The following CXCR5 variants were observed in gnomAD, a reference collection of about 807,000 sequenced individuals.
CXCR5 encodes C-X-C motif chemokine receptor 5.
A neutral mutation model predicts 5.6 loss-of-function variants in CXCR5; 3 were observed. The observed-to-expected ratio is 0.54, with a 90% CI of 0.24 to 1.39. The LOEUF is 1.39. Ranked by LOEUF, CXCR5 falls within the 40% of genes most tolerant of loss-of-function variation. CXCR5 has a pLI of 0.16. For synonymous variants in CXCR5, 218 were observed against 219.9 expected (o/e 0.99, Z 0.08); for missense variants, 333 against 494.6 (o/e 0.67, Z 3.10).
At position 118,894,620 on chromosome 11, in the gene CXCR5, GTCTC is replaced by G. The variant is rs781445622; in HGVS notation, c.1080_1083del (p.Glu362GlnfsTer39). 4 of 1,513,906 alleles carry G rather than the reference GTCTC, an allele frequency of 2.6e-6. No homozygotes were observed. Among genetic ancestry groups the G allele is most frequent in the Non-Finnish European group, 3.5e-6 (4 of 1,131,736 alleles). The allele number at this position is 1,513,906 out of a possible 1,614,324, so 93.8% of individuals were successfully genotyped here. A position where few individuals can be genotyped will look rare whatever the true frequency, so the allele number is the denominator to read the frequency against. On this transcript the variant is annotated frameshift_variant, in exon 2 of 2. Transcript: ENST00000292174. LOFTEE classifies it high-confidence loss of function. This position sits in a 1 kb window ranked among gnomAD's most constrained non-coding sequence, Gnocchi z 6.1. ...CTCTTCCCTAGCTGGCGCAGGAGCA[GTCTC>G]TCTGAGTCAGAGAATGCCACCTCTC...
intron 1 of CXCR5, among the ~76,000 whole-genome samples, chr11:118,890,481 G>C (rs1023113661): frequency 6.6e-6 from 1 of 151,984 alleles, no homozygotes; most frequent in South Asian, 2.1e-4. Context: ...AGATGGGATT[G>C]AATTCGGCTT....
chr11:118,889,428 A>T (rs1939774198), intron 1 of CXCR5, among the ~76,000 whole-genome samples: 2 of 152,216 alleles, frequency 1.3e-5, no homozygotes, highest in African/African-American at 4.8e-5. Context: ...CCGCTCACGC[A>T]AATGGTCTGC....
intron 1 of CXCR5, among the ~76,000 whole-genome samples, chr11:118,885,029 A>G (rs523604): frequency 0.52 from 79,682 of 151,982 alleles, 21,406 homozygotes; most frequent in African/African-American, 0.64. Flanking sequence ...AACTTACCCT[A>G]AGATATTGTC....
At position 118,891,360 on chromosome 11, in the gene CXCR5, G is replaced by T. The variant is rs543338746; in HGVS notation, c.52-2236G>T. 6.6e-5 allele frequency among the ~76,000 whole-genome samples: 10 copies of T among 151,586 alleles called. No homozygotes were observed. In the East Asian group the frequency reaches 1.9e-3, roughly 29 times the overall value. Reference sequence around the variant, plus strand: ...CTCCAATCATTTTCTTTTTTTTTGAGATTGGGTCTTGGTCTGTTACCCAGG... The same window carrying T: ...CTCCAATCATTTTCTTTTTTTTTGATATTGGGTCTTGGTCTGTTACCCAGG... On this transcript the variant is annotated intron_variant, in intron 1 of 1. Coordinates refer to ENST00000292174, the MANE Select transcript of CXCR5 (RefSeq NM_001716.5).
chr11:118,893,691 C>T lies in CXCR5; in HGVS notation c.147C>T (p.Phe49=). The T allele has an allele frequency of 6.2e-7, 1 of 1,614,204 alleles. No individual in the cohort carries two copies. Among genetic ancestry groups the T allele is most frequent in the South Asian group, 1.1e-5 (1 of 91,080 alleles). Residue 49 remains phenylalanine (F), a synonymous_variant, in exon 2 of 2, where the codon TTC becomes TTT. Transcript: ENST00000292174. This position sits in a 1 kb window ranked among gnomAD's most constrained non-coding sequence, Gnocchi z 5.7. ...CAGAGGGGCCCCTCATGGCCTCCTT[C>T]AAGGCCGTGTTCGTGCCCGTGGCCT... ...PATEGPLMAS[F]KAVFVPVAYS...
rs1379372648 is a variant in CXCR5, at chr11:118,897,564, T to C, written c.*2901T>C. On this transcript the variant is annotated 3_prime_UTR_variant, in exon 2 of 2. Coordinates refer to ENST00000292174, the MANE Select transcript of CXCR5 (RefSeq NM_001716.5). ...TGCTAGGGCTCACCAGGTGGAAGCC[T>C]AGGTGGTCTGACCTCAGTTTAGGAG... 2 of 352,550 alleles carry C rather than the reference T, an allele frequency of 5.7e-6. No homozygotes were observed. Among genetic ancestry groups the C allele is most frequent in the African/African-American group, 2.2e-5 (1 of 46,378 alleles). The allele number at this position is 352,550 out of a possible 1,614,324, so 21.8% of individuals were successfully genotyped here. A position where few individuals can be genotyped will look rare whatever the true frequency, so the allele number is the denominator to read the frequency against.
At chr11:118,886,092 C>T (rs180855313) in intron 1 of CXCR5, 3 of 323,058 alleles carry the variant, frequency 9.3e-6, no homozygotes, top group East Asian at 9.1e-5. Flanking sequence ...ACAAAAACCT[C>T]GGGCGTAGTG....
At chr11:118,889,208 C>T (rs1939769447) in intron 1 of CXCR5, among the ~76,000 whole-genome samples, 1 of 152,250 alleles carries the variant, frequency 6.6e-6, no homozygotes, top group South Asian at 2.1e-4. Flanking sequence ...CTCTCAGCCT[C>T]ATTCTGGTCA....
At chr11:118,886,777 G>A (rs1328959131) in intron 1 of CXCR5, 1 of 193,348 alleles carries the variant, frequency 5.2e-6, no homozygotes, top group Non-Finnish European at 1.1e-5. Context: ...AGCTGCTATA[G>A]CGCACGGTGA....
intron 1 of CXCR5, chr11:118,887,335 A>G (rs1939728781): frequency 1.0e-6 from 1 of 985,324 alleles, no homozygotes; most frequent in Non-Finnish European, 1.2e-6. Context: ...TGGTTTCAAG[A>G]GGCTGCCACA....
chr11:118,889,759 A>G (rs1017612604), intron 1 of CXCR5, among the ~76,000 whole-genome samples: 3 of 152,188 alleles, frequency 2.0e-5, no homozygotes, highest in Non-Finnish European at 4.4e-5. Context: ...CCTCTTGGCA[A>G]GGAGGAAGAC....
At chr11:118,884,853 A>C (rs1457157659) in intron 1 of CXCR5, among the ~76,000 whole-genome samples, 2 of 152,100 alleles carry the variant, frequency 1.3e-5, no homozygotes, top group Non-Finnish European at 2.9e-5. Context: ...CAACCAGAGA[A>C]ACACAGGGTT....
intron 1 of CXCR5, among the ~76,000 whole-genome samples, chr11:118,889,995 C>T (rs1201722806): frequency 6.6e-6 from 1 of 152,180 alleles, no homozygotes; most frequent in African/African-American, 2.4e-5. Context: ...AGGTGGAGTC[C>T]AGCCCTGCTG....
At chr11:118,889,893 G>A (rs1472505868) in intron 1 of CXCR5, among the ~76,000 whole-genome samples, 1 of 152,214 alleles carries the variant, frequency 6.6e-6, no homozygotes, top group African/African-American at 2.4e-5. Context: ...TGAAGGGCAA[G>A]AACTTGTGTG....
At chr11:118,889,680 G>A (rs1247419817) in intron 1 of CXCR5, among the ~76,000 whole-genome samples, 2 of 152,146 alleles carry the variant, frequency 1.3e-5, no homozygotes, top group Non-Finnish European at 2.9e-5. Context: ...GAGATGTGCT[G>A]TCAATTCCCA....
At chr11:118,892,924 G>A (rs1359295765) in intron 1 of CXCR5, among the ~76,000 whole-genome samples, 2 of 152,186 alleles carry the variant, frequency 1.3e-5, no homozygotes, top group Non-Finnish European at 2.9e-5. Context: ...AGCCCAGGCA[G>A]GGTTGTTCAG....
Position 118,894,024 on chromosome 11 carries a change from C to T in CXCR5, c.480C>T (p.His160=), listed in dbSNP as rs1306296406. 5 of 1,613,714 alleles carry T rather than the reference C, an allele frequency of 3.1e-6. No individual in the cohort carries two copies. In the Admixed American group the frequency reaches 8.3e-5, roughly 27 times the overall value. ...AIVHAVHAYR[H]RRLLSIHITC... ...TCCACGCCGTCCATGCCTACCGCCACCGCCGCCTCCTCTCCATCCACATCA... is the reference window on the plus strand; with the variant it reads ...TCCACGCCGTCCATGCCTACCGCCATCGCCGCCTCCTCTCCATCCACATCA... Residue 160 remains histidine, a synonymous_variant, in exon 2 of 2, where the codon CAC becomes CAT. Transcript: ENST00000292174. The surrounding 1 kb of genome is among the most constrained non-coding windows in gnomAD (Gnocchi z 6.1).
Position 118,894,478 on chromosome 11 carries a change from C to G in CXCR5, c.934C>G (p.Leu312Val), listed in dbSNP as rs867358468. The G allele has an allele frequency of 6.2e-7, 1 of 1,611,560 alleles. No individual in the cohort carries two copies. Among genetic ancestry groups the G allele is most frequent in the Non-Finnish European group, 8.5e-7 (1 of 1,178,326 alleles). The change falls in exon 2 of 2, where the codon CTG becomes GTG. Residue 312 changes from leucine to valine, a missense_variant. Leu to Val is a conservative substitution (Grantham distance 32). Transcript: ENST00000292174. The surrounding 1 kb of genome is among the most constrained non-coding windows in gnomAD (Gnocchi z 6.1). Reference sequence around the variant, plus strand: ...CATCACCATGTGTGAGTTCCTGGGCCTGGCCCACTGCTGCCTCAACCCCAT... The same window carrying G: ...CATCACCATGTGTGAGTTCCTGGGCGTGGCCCACTGCTGCCTCAACCCCAT... The part of the protein sequence containing the change: ...VAITMCEFLG[L>V]AHCCLNPMLY...
intron 1 of CXCR5, among the ~76,000 whole-genome samples, chr11:118,891,678 G>A (rs1939812486): frequency 6.6e-6 from 1 of 151,994 alleles, no homozygotes; most frequent in African/African-American, 2.4e-5. Context: ...AGACCAGCCT[G>A]GCCAACATGG....
Sources: gnomAD v4.1 joint callset for allele counts (sites outside exome capture counted in the v4.1 genomes callset) on GRCh38, gnomAD v4.1.1 for gene constraint, Gnocchi (gnomAD v3.1) non-coding constraint, MANE v1.5 for transcripts, NCBI Gene and HGNC (gene_info 2026-07-23, HGNC 2026-07-21) for gene names.